Variants in ENOX1 observed in about 807,000 individuals in gnomAD.
ENOX1 encodes the protein ecto-NOX disulfide-thiol exchanger 1.
In ENOX1, 42 loss-of-function variants were observed where a neutral mutation model predicts 82.5. The ratio of observed to expected loss-of-function variants is 0.51; its 90% CI spans 0.40 to 0.66. The LOEUF is 0.66. ENOX1 is among the 30% of genes least tolerant of loss of function. ENOX1 has a pLI of 0.00. For synonymous variants in ENOX1, 271 were observed against 282.2 expected, an observed-to-expected ratio of 0.96 and a Z score of 0.40; for missense variants, 608 against 811.6, an observed-to-expected ratio of 0.75 and a Z score of 3.05.
intron 2 of ENOX1, among the ~76,000 whole-genome samples, chr13:43,616,122 AT>A (rs2082419619): frequency 1.2e-5 from 1 of 84,034 alleles, no homozygotes; most frequent in Non-Finnish European, 2.3e-5. Flanking sequence ...CTATAGATCT[AT>A]AGATATCTAT....
intron 2 of ENOX1, among the ~76,000 whole-genome samples, chr13:43,582,548 A>C (rs1346280950): frequency 6.6e-6 from 1 of 152,158 alleles, no homozygotes; most frequent in Non-Finnish European, 1.5e-5. Context: ...AGAGCCAGAT[A>C]ATACCAACAT....
chr13:43,667,169 T>TTTGAAA (rs2085021592), intron 2 of ENOX1, among the ~76,000 whole-genome samples: 1 of 152,214 alleles, frequency 6.6e-6, no homozygotes, highest in East Asian at 1.9e-4. Flanking sequence ...GATAAAGGCT[T>TTTGAAA]CATGATAAGG....
At chr13:43,750,382 G>A (rs1368709844) in intron 1 of ENOX1, among the ~76,000 whole-genome samples, 1 of 152,116 alleles carries the variant, frequency 6.6e-6, no homozygotes, top group Non-Finnish European at 1.5e-5. Flanking sequence ...TCCAGCTGAG[G>A]GATTAATAGC....
At chr13:43,273,749 C>T (rs945111428) in intron 12 of ENOX1, among the ~76,000 whole-genome samples, 10 of 152,162 alleles carry the variant, frequency 6.6e-5, no homozygotes, top group Non-Finnish European at 1.2e-4. Flanking sequence ...GCCTTGGGTT[C>T]TTGCTCCAAA....
chr13:43,463,347 T>C (rs1050769936), intron 3 of ENOX1, among the ~76,000 whole-genome samples: 1 of 152,202 alleles, frequency 6.6e-6, no homozygotes, highest in African/African-American at 2.4e-5. Context: ...TGTTTCACAT[T>C]CTTTGCGCTT....
chr13:43,365,608 A>G (rs79618026), intron 5 of ENOX1, among the ~76,000 whole-genome samples: 1,737 of 152,360 alleles, frequency 0.011, 32 homozygotes, highest in East Asian at 0.052. Flanking sequence ...TCATGGAGTC[A>G]TAAGTTGAGA....
chr13:43,647,667 T>C (rs534390755), intron 2 of ENOX1, among the ~76,000 whole-genome samples: 2 of 152,264 alleles, frequency 1.3e-5, no homozygotes, highest in African/African-American at 2.4e-5. Flanking sequence ...AATAAATCCA[T>C]GTGACAGGCA....
chr13:43,244,057 T>C (rs749071727), intron 14 of ENOX1, among the ~76,000 whole-genome samples: 5 of 151,634 alleles, frequency 3.3e-5, no homozygotes, highest in Non-Finnish European at 7.4e-5. Flanking sequence ...CTGCCTTCTT[T>C]AGACAGTAAT....
intron 1 of ENOX1, among the ~76,000 whole-genome samples, chr13:43,783,682 C>A (rs1428506656): frequency 6.6e-6 from 1 of 152,082 alleles, no homozygotes; most frequent in Non-Finnish European, 1.5e-5. Context: ...AATTTGCTTA[C>A]GATGTTTAAT....
intron 11 of ENOX1, among the ~76,000 whole-genome samples, chr13:43,319,768 G>A (rs1478460561): frequency 6.6e-6 from 1 of 152,176 alleles, no homozygotes; most frequent in African/African-American, 2.4e-5. Flanking sequence ...CAGGAGGTCT[G>A]AAGCAAAATC....
chr13:43,491,634 A>G (rs916368115), intron 2 of ENOX1, among the ~76,000 whole-genome samples: 2 of 151,944 alleles, frequency 1.3e-5, no homozygotes, highest in African/African-American at 4.8e-5. Context: ...AGGTATGGTG[A>G]TGTGTGCCTG....
intron 15 of ENOX1, among the ~76,000 whole-genome samples, chr13:43,227,776 T>C (rs1004699551): frequency 1.3e-5 from 2 of 152,148 alleles, no homozygotes; most frequent in Non-Finnish European, 2.9e-5. Context: ...CTTTTCCTTA[T>C]AAGAGTTCAG....
rs1182487788 is a variant in ENOX1, at chr13:43,322,395, A to G, written c.1250T>C (p.Val417Ala). 3 of 1,612,804 alleles carry G rather than the reference A, an allele frequency of 1.9e-6. No homozygotes were observed. Among genetic ancestry groups the G allele is most frequent in the Non-Finnish European group, 2.5e-6 (3 of 1,179,326 alleles). The change falls in exon 11 of 17, where the codon GTC (valine) becomes GCC (alanine). Residue 417 changes from valine to alanine, a missense_variant. Physicochemically the swap from Val to Ala is moderately conservative, Grantham distance 64 (BLOSUM62 0). Transcript: ENST00000690772. ...GTTATCGGCATTACCTGATTCATCG[A>G]CTCTCATTTTCTTTGTAGGGCTGTC... Reference protein sequence around the residue: ...NCDSPTKKMRVDESALAAQAY... With the variant: ...NCDSPTKKMRADESALAAQAY...
chr13:43,648,932 C>T (rs1355931062), intron 2 of ENOX1, among the ~76,000 whole-genome samples: 2 of 152,172 alleles, frequency 1.3e-5, no homozygotes, highest in Non-Finnish European at 2.9e-5. Flanking sequence ...CCTGTATCAG[C>T]GACACTGGCT....
intron 2 of ENOX1, among the ~76,000 whole-genome samples, chr13:43,616,193 T>TAG (rs2082456958): frequency 4.4e-5 from 1 of 22,486 alleles, no homozygotes; most frequent in African/African-American, 5.8e-5. Flanking sequence ...TATCTATATA[T>TAG]ATATATATAT....
intron 14 of ENOX1, among the ~76,000 whole-genome samples, chr13:43,258,537 A>G (rs2043879240): frequency 6.6e-6 from 1 of 152,170 alleles, no homozygotes. Flanking sequence ...TCTGGGTATG[A>G]GCATTTAATA....
chr13:43,360,501 A>T (rs1172220366), intron 6 of ENOX1, among the ~76,000 whole-genome samples: 1 of 152,068 alleles, frequency 6.6e-6, no homozygotes, highest in African/African-American at 2.4e-5. Flanking sequence ...AAGCACGCAC[A>T]ATACTTACTT....
intron 3 of ENOX1, among the ~76,000 whole-genome samples, chr13:43,470,426 T>C (rs2058020911): frequency 1.8e-5 from 2 of 109,876 alleles, no homozygotes; most frequent in African/African-American, 6.2e-5. Context: ...ATAACAGAGA[T>C]AACCTTGTTT....
At chr13:43,215,195 C>T (rs773294253) in intron 16 of ENOX1, among the ~76,000 whole-genome samples, 73 of 152,116 alleles carry the variant, frequency 4.8e-4, no homozygotes, top group Non-Finnish European at 3.4e-4. Flanking sequence ...ACCAAATAGA[C>T]CAAGAAGTCA....
Sources: gnomAD v4.1 joint callset for allele counts (sites outside exome capture counted in the v4.1 genomes callset) on GRCh38, gnomAD v4.1.1 for gene constraint, MANE v1.5 for transcripts, NCBI Gene and HGNC (gene_info 2026-07-23, HGNC 2026-07-21) for gene names.